Variants in LRRC4C observed in about 807,000 individuals in gnomAD.
LRRC4C encodes the protein leucine rich repeat containing 4C, also known as leucine-rich repeat-containing protein 4C.
LRRC4C carries 5 observed loss-of-function variants against 33.6 expected under a neutral mutation model. That is an observed-to-expected ratio of 0.15 (90% CI 0.08 to 0.31). LRRC4C has a LOEUF of 0.31. LRRC4C is among the 10% of genes least tolerant of loss of function. The pLI is 1.00. For missense variants in LRRC4C, 560 were observed against 796.7 expected (o/e 0.70, Z 3.58); for synonymous variants, 329 against 302.0 (o/e 1.09, Z -0.93).
At chr11:40,194,053 A>C (rs922767978) in intron 5 of LRRC4C, among the ~76,000 whole-genome samples, 1 of 152,174 alleles carries the variant, frequency 6.6e-6, no homozygotes. Context: ...ATCCAGGAGC[A>C]CTTCCCCTAC....
chr11:41,268,322 A>G (rs1949216327), intron 1 of LRRC4C, among the ~76,000 whole-genome samples: 1 of 152,112 alleles, frequency 6.6e-6, no homozygotes, highest in Non-Finnish European at 1.5e-5. Context: ...CCTGGGCAAC[A>G]CCTTGATCAC....
intron 1 of LRRC4C, among the ~76,000 whole-genome samples, chr11:41,007,592 CAAGT>C (rs1854853098): frequency 6.6e-6 from 1 of 151,946 alleles, no homozygotes; most frequent in Non-Finnish European, 1.5e-5. Context: ...CCGTGGTAGC[CAAGT>C]AAGTGTCCAT....
chr11:41,034,606 CGTATATATATATATAT>C lies in LRRC4C; in HGVS notation c.-495-100899_-495-100884del, dbSNP rs1287866117. ...TTGTTTTTCTAAAAAAATATGGTGA[CGTATATATATATATAT>C]ATATATATATATATATGAGGTGAGA... On this transcript the variant is annotated intron_variant, in intron 1 of 6. Transcript: ENST00000528697. Among the ~76,000 whole-genome samples, 9 of 108,476 alleles carry C rather than the reference CGTATATATATATATAT, an allele frequency of 8.3e-5. No individual in the cohort carries two copies. The East Asian group carries it at 2.1e-3, about 26-fold the overall frequency. The allele number at this position is 108,476 out of a possible 152,430, so 71.2% of individuals were successfully genotyped here.
At chr11:41,097,525 CAGA>C (rs1166062864) in intron 1 of LRRC4C, among the ~76,000 whole-genome samples, 1 of 152,084 alleles carries the variant, frequency 6.6e-6, no homozygotes, top group East Asian at 1.9e-4. Context: ...GAGTCATACC[CAGA>C]AGATCTCTAA....
At chr11:40,406,231 A>G (rs1399132381) in intron 3 of LRRC4C, among the ~76,000 whole-genome samples, 1 of 151,996 alleles carries the variant, frequency 6.6e-6, no homozygotes, top group East Asian at 1.9e-4. Flanking sequence ...CTCCTTCTTC[A>G]CCTGACTAAA....
At chr11:40,160,790 CT>C (rs1159866786) in intron 5 of LRRC4C, among the ~76,000 whole-genome samples, 1 of 152,132 alleles carries the variant, frequency 6.6e-6, no homozygotes, top group Non-Finnish European at 1.5e-5. Context: ...GCAAGCTATT[CT>C]CCTTACTTCT....
At chr11:41,140,331 G>A (rs1308578784) in intron 1 of LRRC4C, among the ~76,000 whole-genome samples, 2 of 140,540 alleles carry the variant, frequency 1.4e-5, no homozygotes, top group East Asian at 2.0e-4. Flanking sequence ...ATTCAAGGGT[G>A]CCTCTTTGCT....
intron 6 of LRRC4C, among the ~76,000 whole-genome samples, chr11:40,139,047 A>G (rs936338295): frequency 7.9e-5 from 12 of 152,212 alleles, no homozygotes; most frequent in African/African-American, 2.9e-4. Context: ...TTTGAGTATT[A>G]TTGCATTTGT....
intron 1 of LRRC4C, among the ~76,000 whole-genome samples, chr11:41,436,306 C>T (rs1590273240): frequency 1.3e-5 from 2 of 152,332 alleles, no homozygotes; most frequent in East Asian, 3.9e-4. Context: ...AGATGTATTT[C>T]ATGACAATTC....
chr11:40,146,654 G>A (rs560572867), intron 5 of LRRC4C, among the ~76,000 whole-genome samples: 1 of 152,272 alleles, frequency 6.6e-6, no homozygotes, highest in South Asian at 2.1e-4. Context: ...AGACCTTCCA[G>A]TCATCTACAA....
intron 1 of LRRC4C, among the ~76,000 whole-genome samples, chr11:41,095,379 C>T (rs886433305): frequency 6.6e-6 from 1 of 152,114 alleles, no homozygotes; most frequent in African/African-American, 2.4e-5. Context: ...GGTGGGGACA[C>T]AGAGTCAAAC....
rs1238798556 is a variant in LRRC4C at position 40,498,575 on chromosome 11, G to T, written c.-270+149567C>A. Among the ~76,000 whole-genome samples the T allele has an allele frequency of 3.9e-5, 6 of 152,136 alleles. No homozygotes were observed. The East Asian group carries it at 1.2e-3, about 29-fold the overall frequency. ...CTATGCATCTTAGGTCGATAGCCTTGGAAGATAAAATTAGTATATTTGGCT... is the reference window on the plus strand; with the variant it reads ...CTATGCATCTTAGGTCGATAGCCTTTGAAGATAAAATTAGTATATTTGGCT... On this transcript the variant is annotated intron_variant, in intron 3 of 6. Transcript: ENST00000528697.
intron 1 of LRRC4C, among the ~76,000 whole-genome samples, chr11:40,961,438 TAA>T (rs1193312372): frequency 1.3e-5 from 2 of 151,714 alleles, no homozygotes; most frequent in Admixed American, 6.6e-5. Flanking sequence ...GTCCCTGAAA[TAA>T]AAGTATTGCA....
In LRRC4C at chr11:40,689,145, A is replaced by G. The variant is rs556253676; in HGVS notation, c.-406-40867T>C. Among the ~76,000 whole-genome samples, 120 of 152,224 alleles carry G rather than the reference A, an allele frequency of 7.9e-4. 1 individual carries two copies. Among genetic ancestry groups the G allele is most frequent in the Non-Finnish European group, 1.3e-3 (87 of 67,994 alleles). On this transcript the variant is annotated intron_variant, in intron 2 of 6. Coordinates refer to ENST00000528697, the MANE Select transcript of LRRC4C (RefSeq NM_001258419.2). ...TATCTTCTCTTCAGATGTATAAATG[A>G]GAAAAGGAACAAAGAACAATGGTTT... is the stretch of plus-strand genomic sequence containing the variant.
intron 2 of LRRC4C, among the ~76,000 whole-genome samples, chr11:40,656,218 T>A (rs1471617766): frequency 1.4e-5 from 2 of 145,652 alleles, no homozygotes; most frequent in Non-Finnish European, 3.1e-5. Flanking sequence ...GTACTGTTTT[T>A]CTTTTTTTTT....
intron 1 of LRRC4C, among the ~76,000 whole-genome samples, chr11:41,003,775 T>A (rs1854547385): frequency 6.6e-6 from 1 of 151,964 alleles, no homozygotes; most frequent in Admixed American, 6.6e-5. Context: ...CCCTTGGCAA[T>A]CCAAATACAT....
At chr11:40,710,398 T>G (rs2136579565) in intron 2 of LRRC4C, among the ~76,000 whole-genome samples, 1 of 152,312 alleles carries the variant, frequency 6.6e-6, no homozygotes, top group African/African-American at 2.4e-5. Context: ...TTTTTGTTGA[T>G]GTTGATGCTA....
At chr11:40,568,527 C>T (rs1263861163) in intron 3 of LRRC4C, among the ~76,000 whole-genome samples, 3 of 152,186 alleles carry the variant, frequency 2.0e-5, no homozygotes, top group Admixed American at 1.3e-4. Context: ...ATAGCACTAA[C>T]TAAGTAACTA....
rs55827045 is a variant in LRRC4C, at chr11:40,665,308, TAAAAAAAAAA to T, written c.-406-17040_-406-17031del. ...CAAAGCCCTGGGGTCATTGCTTTCTTAAAAAAAAAAAAAAAAAATATATATATATATATAT... is the reference window on the plus strand; with the variant it reads ...CAAAGCCCTGGGGTCATTGCTTTCTTAAAAAAAATATATATATATATATAT... On this transcript the variant is annotated intron_variant, in intron 2 of 6. Transcript: ENST00000528697. Among the ~76,000 whole-genome samples the T allele has an allele frequency of 8.4e-3, 365 of 43,380 alleles. 3 individuals carry two copies. The highest frequency in any genetic ancestry group is 0.027 in the African/African-American group (340 of 12,634). 28.5% of individuals were successfully genotyped at this position (43,380 alleles called of 152,430 possible).
Sources: allele counts gnomAD v4.1 joint callset (sites outside exome capture counted in the v4.1 genomes callset), GRCh38; gene constraint gnomAD v4.1.1; transcripts MANE v1.5; gene names NCBI Gene and HGNC (gene_info 2026-07-23, HGNC 2026-07-21).